Variants in HSPH1 observed in about 807,000 individuals in gnomAD.
The protein encoded by HSPH1 is heat shock protein family H (Hsp110) member 1.
HSPH1 carries 40 observed loss-of-function variants against 100.0 expected under a neutral mutation model. The ratio of observed to expected loss-of-function variants is 0.40; its 90% CI spans 0.31 to 0.52. The LOEUF (loss-of-function observed/expected upper bound fraction) is 0.52, where lower values mean the gene tolerates loss of function less well. Ranked by LOEUF, HSPH1 falls within the 20% of genes least tolerant of loss-of-function variation. The pLI, the probability that HSPH1 is intolerant of heterozygous loss-of-function variation, is 0.54. For synonymous variants in HSPH1, 403 were observed against 344.0 expected (o/e 1.17, Z -1.90); for missense variants, 876 against 1,015.1 (o/e 0.86, Z 1.86).
chr13:31,150,719 G>A (rs765182689), intron 7 of HSPH1, among the ~76,000 whole-genome samples: 4 of 152,132 alleles, frequency 2.6e-5, no homozygotes, highest in Non-Finnish European at 5.9e-5. Context: ...AAGACTTGAG[G>A]GTAGTACTTA....
At chr13:31,152,645 G>T in intron 5 of HSPH1, 2 of 354,324 alleles carry the variant, frequency 5.6e-6, no homozygotes, top group Non-Finnish European at 1.0e-5. Flanking sequence ...AACATGAAAA[G>T]AATTCTCTAA....
In HSPH1 at chr13:31,151,291, CAA is replaced by C. The variant is rs1956479213; in HGVS notation, c.664-102_664-101del. ...TCAAACAATGAAAGACTAAGAGACT[CAA>C]GACTATATTTAAATTATAACATGAA... is the stretch of plus-strand genomic sequence containing the variant. On this transcript the variant is annotated intron_variant, in intron 6 of 17. Transcript: ENST00000320027. The C allele has an allele frequency of 8.5e-6, 8 of 943,412 alleles. No individual in the cohort carries two copies. The East Asian group carries it at 2.0e-4, about 23-fold the overall frequency. The allele number at this position is 943,412 out of a possible 1,614,324, so 58.4% of individuals were successfully genotyped here. A position where few individuals can be genotyped will look rare whatever the true frequency, so the allele number is the denominator to read the frequency against.
intron 4 of HSPH1, 39 bp downstream of exon 4, chr13:31,154,594 A>C (rs1956611704): frequency 6.2e-7 from 1 of 1,612,858 alleles, no homozygotes; most frequent in South Asian, 1.1e-5. Context: ...AGAACGCAAA[A>C]ATGAAATAAA....
chr13:31,141,179 T>C lies in HSPH1; in HGVS notation c.1797A>G (p.Glu599=). ...TCCCTAACTGCCAGACCAAGTTGGC[T>C]TCAATAGGCAGCTCAACATTCACCA... is the stretch of plus-strand genomic sequence containing the variant. ...IKVVNVELPI[E]ANLVWQLGKD... The change falls in exon 13 of 18, where the codon GAA becomes GAG. Residue 599 remains glutamate, a synonymous_variant. Coordinates refer to ENST00000320027, the MANE Select transcript of HSPH1 (RefSeq NM_006644.4). 6.2e-7 allele frequency: 1 copy of C among 1,609,952 alleles called. No homozygotes were observed. Among genetic ancestry groups the C allele is most frequent in the Non-Finnish European group, 8.5e-7 (1 of 1,177,510 alleles).
intron 17 of HSPH1, among the ~76,000 whole-genome samples, chr13:31,137,950 G>C (rs1955945101): frequency 6.6e-6 from 1 of 152,082 alleles, no homozygotes; most frequent in African/African-American, 2.4e-5. Flanking sequence ...CATTACTCCA[G>C]AAGAACACTT....
intron 3 of HSPH1, 147 bp from the exon 4 acceptor site, chr13:31,154,902 GA>G (rs35460154): frequency 4.7e-6 from 3 of 642,366 alleles, no homozygotes; most frequent in Non-Finnish European, 7.5e-6. Context: ...AGAAAAGGAG[GA>G]AAAAGGGAAG....
Position 31,138,800 on chromosome 13 carries a change from G to A in HSPH1, c.2189C>T (p.Ala730Val). Residue 730 changes from alanine to valine, a missense_variant, in exon 16 of 18, where the codon GCA (alanine) becomes GTA (valine). Ala to Val is a moderately conservative substitution (Grantham distance 64). Coordinates refer to ENST00000320027, the MANE Select transcript of HSPH1 (RefSeq NM_006644.4). ...ACTCACCTTATTTCTGAAGTCAGCT[G>A]CTATCTTGGCATAATGCTGCAGCCT... ...GQRLQHYAKI[A>V]ADFRNKDEKY... is the part of the protein sequence containing the mutation. The A allele has an allele frequency of 6.2e-7, 1 of 1,608,270 alleles. No individual in the cohort carries two copies. The highest frequency in any genetic ancestry group is 8.5e-7 in the Non-Finnish European group (1 of 1,178,372).
chr13:31,138,337 G>T (rs1167114477), intron 17 of HSPH1, 70 bp downstream of exon 17: 1 of 1,412,842 alleles, frequency 7.1e-7, no homozygotes, highest in Non-Finnish European at 9.8e-7. Flanking sequence ...TGGCTATGTT[G>T]AAGGTTCAAA....
rs1955868072 is a variant in HSPH1 at position 31,135,766 on chromosome 13, G to GA, written c.*1551dup. On this transcript the variant is annotated 3_prime_UTR_variant, in exon 18 of 18. Coordinates refer to ENST00000320027, the MANE Select transcript of HSPH1 (RefSeq NM_006644.4). The stretch of plus-strand genomic sequence containing the variant: ...CAAGTGTTACTAAACCTCATAGTTT[G>GA]AAGATATTACTCCGTGATGTGTGGA... The GA allele has an allele frequency of 6.6e-6, 1 of 152,234 alleles. No individual in the cohort carries two copies. The highest frequency in any genetic ancestry group is 2.1e-4 in the South Asian group (1 of 4,834). 9.4% of individuals were successfully genotyped at this position (152,234 alleles called of 1,614,324 possible).
chr13:31,150,000 G>T lies in HSPH1; in HGVS notation c.1091C>A (p.Thr364Lys). The T allele has an allele frequency of 6.2e-7, 1 of 1,613,804 alleles. No homozygotes were observed. ...IAKFFGKDIS[T>K]TLNADEAVAR... ...TACTGCTTCATCTGCATTGAGTGTT[G>T]TGCTAATATCTTTTCCAAAGAATTT... Residue 364 changes from threonine to lysine, a missense_variant, in exon 8 of 18, where the codon ACA becomes AAA. Transcript: ENST00000320027.
chr13:31,150,243 C>T, intron 7 of HSPH1, 61 bp from the exon 8 acceptor site: 1 of 1,171,336 alleles, frequency 8.5e-7, no homozygotes, highest in Non-Finnish European at 1.2e-6. Flanking sequence ...CTACTTTTGA[C>T]AACCCAATGA....
chr13:31,156,035 T>C (rs1956676735), intron 2 of HSPH1, among the ~76,000 whole-genome samples: 1 of 152,204 alleles, frequency 6.6e-6, no homozygotes, highest in Non-Finnish European at 1.5e-5. Flanking sequence ...CTTGTGAGGT[T>C]TTATACCCAA....
chr13:31,151,746 C>T lies in HSPH1; in HGVS notation c.530-4G>A, dbSNP rs777832384. The T allele has an allele frequency of 3.8e-5, 60 of 1,595,960 alleles. No individual in the cohort carries two copies. The highest frequency in any genetic ancestry group is 5.1e-5 in the Non-Finnish European group (60 of 1,173,868). Reference sequence around the variant, plus strand: ...TAAATTCCGTAATTCAAAGCAACTACAAAAAATAAGTATGTTTCAATTCTT... The same window carrying T: ...TAAATTCCGTAATTCAAAGCAACTATAAAAAATAAGTATGTTTCAATTCTT... On this transcript the variant is annotated splice_polypyrimidine_tract_variant and splice_region_variant and intron_variant, in intron 5 of 17. Coordinates refer to ENST00000320027, the MANE Select transcript of HSPH1 (RefSeq NM_006644.4).
intron 11 of HSPH1, among the ~76,000 whole-genome samples, chr13:31,144,318 T>C (rs185994062): frequency 2.6e-5 from 4 of 152,240 alleles, no homozygotes; most frequent in East Asian, 1.9e-4. Context: ...CCAGCAGCCA[T>C]CATGGATCTC....
At chr13:31,152,571 C>G (rs532061842) in intron 5 of HSPH1, 1 of 217,780 alleles carries the variant, frequency 4.6e-6, no homozygotes, top group East Asian at 1.2e-4. Context: ...AAATTGCTTC[C>G]TAACTATAAA....
At position 31,137,356 on chromosome 13, in the gene HSPH1, G is replaced by C. The variant is rs1208972686; in HGVS notation, c.2539C>G (p.Pro847Ala). The C allele has an allele frequency of 1.9e-6, 3 of 1,612,598 alleles. No individual in the cohort carries two copies. The highest frequency in any genetic ancestry group is 2.5e-6 in the Non-Finnish European group (3 of 1,179,044). ...ATATTAACAGAATTTTTCTCATTAGGGTAACATTCACCATTCTGATGTGGA... is the reference window on the plus strand; with the variant it reads ...ATATTAACAGAATTTTTCTCATTAGCGTAACATTCACCATTCTGATGTGGA... The part of the protein sequence containing the change: ...EPPHQNGECY[P>A]NEKNSVNMDL... Residue 847 changes from proline (P) to alanine (A), a missense_variant, in exon 18 of 18, where the codon CCT becomes GCT. Physicochemically the swap from Pro to Ala is conservative, Grantham distance 27 (BLOSUM62 -1). Coordinates refer to ENST00000320027, the MANE Select transcript of HSPH1 (RefSeq NM_006644.4).
chr13:31,137,301 G>A lies in HSPH1; in HGVS notation c.*17C>T, dbSNP rs1475380593. On this transcript the variant is annotated 3_prime_UTR_variant, in exon 18 of 18. Transcript: ENST00000320027. ...AAATATTTTATTAATTGAAGGAATA[G>A]GCCAATTTAAGGTTATCTAGTCCAA... The A allele has an allele frequency of 2.7e-6, 4 of 1,477,878 alleles. No individual in the cohort carries two copies. The South Asian group carries it at 3.5e-5, about 13-fold the overall frequency. The allele number at this position is 1,477,878 out of a possible 1,614,324, so 91.5% of individuals were successfully genotyped here. A position where few individuals can be genotyped will look rare whatever the true frequency, so the allele number is the denominator to read the frequency against.
Position 31,148,412 on chromosome 13 carries a change from TA to T in HSPH1, c.1205del (p.Ile402AsnfsTer3). 1 of 1,588,348 alleles carries T rather than the reference TA, an allele frequency of 6.3e-7. No homozygotes were observed. Among genetic ancestry groups the T allele is most frequent in the Non-Finnish European group, 8.6e-7 (1 of 1,167,052 alleles). On this transcript the variant is annotated frameshift_variant, in exon 9 of 18. Coordinates refer to ENST00000320027, the MANE Select transcript of HSPH1 (RefSeq NM_006644.4). LOFTEE classifies it high-confidence loss of function. ...CTGAATCATGGTTCCAGATCAGAGATATTGGAAAAGGAACTGCATCTGTGAC... is the reference window on the plus strand; with the variant it reads ...CTGAATCATGGTTCCAGATCAGAGATTTGGAAAAGGAACTGCATCTGTGAC... The part of the protein sequence containing the change: ...FSVTDAVPFP[I>X]SLIWNHDSED...
At chr13:31,160,398 A>G (rs1956854351) in intron 1 of HSPH1, among the ~76,000 whole-genome samples, 1 of 152,210 alleles carries the variant, frequency 6.6e-6, no homozygotes, top group East Asian at 1.9e-4. Flanking sequence ...CGTTCTCAGC[A>G]CCCAAATAAT....
Sources: gnomAD v4.1 joint callset for allele counts (sites outside exome capture counted in the v4.1 genomes callset) on GRCh38, gnomAD v4.1.1 for gene constraint, MANE v1.5 for transcripts, NCBI Gene and HGNC (gene_info 2026-07-23, HGNC 2026-07-21) for gene names.